PRKG1: variants seen among roughly 807,000 people sequenced by gnomAD.
The protein encoded by PRKG1 is protein kinase cGMP-dependent 1.
Under a neutral mutation model 88.1 loss-of-function variants are expected in PRKG1, and 35 were observed. The observed-to-expected ratio is 0.40, with a 90% CI of 0.30 to 0.53. PRKG1 has a LOEUF of 0.53. Among genes scored for constraint, PRKG1 ranks in the 20% least tolerant of loss-of-function variants. The probability of loss-of-function intolerance (pLI) is 0.59; values close to 1 mark genes in which losing one functional copy is unlikely to be tolerated. For synonymous variants in PRKG1, 303 were observed against 292.5 expected (o/e 1.04, Z -0.37); for missense variants, 540 against 839.8 (o/e 0.64, Z 4.41).
Position 52,152,794 on chromosome 10 carries a change from T to C in PRKG1, c.1002-9095T>C, listed in dbSNP as rs535002232. On this transcript the variant is annotated intron_variant, in intron 8 of 17. Transcript: ENST00000373980. ...TGGCAGTTGAGACCCAAAGATAATA[T>C]AGAAGAGGGGATTCATTTCAGATTA... Among the ~76,000 whole-genome samples, 3 of 152,206 alleles carry C rather than the reference T, an allele frequency of 2.0e-5. No homozygotes were observed. The South Asian group carries it at 6.2e-4, about 32-fold the overall frequency.
chr10:52,245,749 TTTTATTTA>T (rs10552419), intron 9 of PRKG1, among the ~76,000 whole-genome samples: 55,627 of 137,838 alleles, frequency 0.4, 11,758 homozygotes, highest in East Asian at 0.48. Context: ...GTTAACACCA[TTTTATTTA>T]TTTATTTATT....
chr10:51,110,234 C>T (rs1016677090), intron 1 of PRKG1, among the ~76,000 whole-genome samples: 2 of 152,056 alleles, frequency 1.3e-5, no homozygotes, highest in African/African-American at 2.4e-5. Flanking sequence ...AAGATGTTCA[C>T]ATGAAGACTT....
intron 5 of PRKG1, among the ~76,000 whole-genome samples, chr10:51,925,111 C>A (rs1328105428): frequency 1.3e-5 from 2 of 151,430 alleles, no homozygotes; most frequent in Admixed American, 1.3e-4. Context: ...TTATGTTTTG[C>A]CTTTTACTAT....
chr10:52,229,869 G>T (rs1840481152), intron 9 of PRKG1, among the ~76,000 whole-genome samples: 1 of 152,044 alleles, frequency 6.6e-6, no homozygotes, highest in Admixed American at 6.6e-5. Flanking sequence ...TTCAAAAAGG[G>T]AGCCTTCACC....
intron 1 of PRKG1, among the ~76,000 whole-genome samples, chr10:51,129,704 T>TA (rs1256248215): frequency 6.6e-6 from 1 of 152,220 alleles, no homozygotes; most frequent in Non-Finnish European, 1.5e-5. Flanking sequence ...GCATATATTT[T>TA]AGTTTCCTAG....
intron 1 of PRKG1, among the ~76,000 whole-genome samples, chr10:51,089,631 G>A (rs554523257): frequency 6.6e-6 from 1 of 152,218 alleles, no homozygotes; most frequent in Non-Finnish European, 1.5e-5. Context: ...GCTTATGTGA[G>A]TATCTGAAGT....
In PRKG1 at chr10:51,294,518, G is replaced by A. The variant is rs540710102; in HGVS notation, c.478+141188G>A. 3.3e-5 allele frequency among the ~76,000 whole-genome samples: 5 copies of A among 152,220 alleles called. No individual in the cohort carries two copies. The East Asian group carries it at 7.7e-4, about 24-fold the overall frequency. ...CTTGGAACACTGTTAAAGATCAGTT[G>A]ATGGTAATGGGTGGATTCGTTAGGT... On this transcript the variant is annotated intron_variant, in intron 2 of 17. Transcript: ENST00000373980.
intron 6 of PRKG1, among the ~76,000 whole-genome samples, chr10:52,059,507 T>C (rs1846186401): frequency 6.6e-6 from 1 of 152,020 alleles, no homozygotes; most frequent in African/African-American, 2.4e-5. Flanking sequence ...CTTAAAGGTC[T>C]AATGCTGAGT....
At chr10:51,392,999 A>T in intron 2 of PRKG1, among the ~76,000 whole-genome samples, 4 of 150,414 alleles carry the variant, frequency 2.7e-5, no homozygotes, top group African/African-American at 9.9e-5. Context: ...GCTGCCGGGC[A>T]GAGACACTCC....
In PRKG1 at chr10:52,280,912, C is replaced by G. The variant is rs777696864; in HGVS notation, c.1527C>G (p.His509Gln). The G allele has an allele frequency of 6.2e-7, 1 of 1,613,318 alleles. No individual in the cohort carries two copies. The highest frequency in any genetic ancestry group is 8.5e-7 in the Non-Finnish European group (1 of 1,179,572). The change falls in exon 13 of 18, where the codon CAC (histidine) becomes CAG (glutamine). Residue 509 changes from histidine (H) to glutamine (Q), a missense_variant. By Grantham distance (24) the His-to-Gln change is conservative (BLOSUM62 0). Transcript: ENST00000373980. ...AGCCAGAAAATCTCATCCTAGATCA[C>G]CGAGGTTATGCCAAACTGGTCAGTG... Reference protein sequence around the residue: ...DLKPENLILDHRGYAKLVDFG... With the variant: ...DLKPENLILDQRGYAKLVDFG...
chr10:51,217,324 T>A (rs1411856338), intron 2 of PRKG1, among the ~76,000 whole-genome samples: 1 of 152,168 alleles, frequency 6.6e-6, no homozygotes, highest in Non-Finnish European at 1.5e-5. Context: ...TTAATCCATT[T>A]TTTTCTTTAG....
rs1213755149 is a variant in PRKG1, at chr10:51,908,701, C to CTA, written c.762+1132_762+1133insAT. 3.8e-3 allele frequency: 266 copies of CTA among 69,720 alleles called. 2 individuals carry two copies. The highest frequency in any genetic ancestry group is 0.011 in the Admixed American group (84 of 7,456). The allele number at this position is 69,720 out of a possible 1,614,324, so 4.3% of individuals were successfully genotyped here. A position where few individuals can be genotyped will look rare whatever the true frequency, so the allele number is the denominator to read the frequency against. On this transcript the variant is annotated intron_variant, in intron 5 of 17. Coordinates refer to ENST00000373980, the MANE Select transcript of PRKG1 (RefSeq NM_006258.4). The stretch of plus-strand genomic sequence containing the variant: ...AAATCATCAGATTGTGACTCTCTCT[C>CTA]TCTCTCTCTCTCTGTCTATCTATCT...
intron 2 of PRKG1, among the ~76,000 whole-genome samples, chr10:51,358,597 G>C (rs1045023278): frequency 1.3e-5 from 2 of 152,036 alleles, no homozygotes; most frequent in South Asian, 2.1e-4. Context: ...ACTGTTTTCA[G>C]AGAGCTTGTA....
chr10:51,907,688 C>T (rs1842116341), intron 5 of PRKG1, 118 bp downstream of exon 5: 5 of 811,812 alleles, frequency 6.2e-6, no homozygotes, highest in South Asian at 5.6e-5. Flanking sequence ...AATTTCTAAG[C>T]TCTGGGATGA....
At chr10:51,648,531 A>G (rs1428583676) in intron 3 of PRKG1, among the ~76,000 whole-genome samples, 2 of 152,112 alleles carry the variant, frequency 1.3e-5, no homozygotes, top group African/African-American at 4.8e-5. Flanking sequence ...GTACTCACTA[A>G]TCTTCGCAGT....
intron 2 of PRKG1, among the ~76,000 whole-genome samples, chr10:51,266,742 G>C (rs558803698): frequency 3.2e-4 from 48 of 152,284 alleles, no homozygotes; most frequent in African/African-American, 1.1e-3. Flanking sequence ...CAGAAAAATT[G>C]ATAGACACAC....
At chr10:51,224,085 A>G (rs1233430480) in intron 2 of PRKG1, among the ~76,000 whole-genome samples, 2 of 152,190 alleles carry the variant, frequency 1.3e-5, no homozygotes, top group Admixed American at 1.3e-4. Context: ...GAAAATAGGA[A>G]AAGAGGCACT....
chr10:52,087,046 A>G (rs1166230185), intron 7 of PRKG1, among the ~76,000 whole-genome samples: 3 of 152,124 alleles, frequency 2.0e-5, no homozygotes, highest in Non-Finnish European at 2.9e-5. Flanking sequence ...GGTCCTTCCC[A>G]TGACATGTGG....
At chr10:51,265,053 C>T (rs939183421) in intron 2 of PRKG1, among the ~76,000 whole-genome samples, 2 of 151,820 alleles carry the variant, frequency 1.3e-5, no homozygotes, top group Admixed American at 6.6e-5. Context: ...AATGAGGCTA[C>T]TTTTCTTATA....
Sources: gnomAD v4.1 joint callset for allele counts (sites outside exome capture counted in the v4.1 genomes callset) on GRCh38, gnomAD v4.1.1 for gene constraint, MANE v1.5 for transcripts, NCBI Gene and HGNC (gene_info 2026-07-23, HGNC 2026-07-21) for gene names.